Variants in CCDC178 observed in about 807,000 individuals in gnomAD.
CCDC178 encodes coiled-coil domain containing 178, also known as coiled-coil domain-containing protein 178.
In CCDC178, 126 loss-of-function variants were observed where a neutral mutation model predicts 117.4. The observed-to-expected ratio is 1.07, with a 90% CI of 0.93 to 1.24. CCDC178 has a LOEUF of 1.24. Among genes scored for constraint, CCDC178 ranks in the 50% most tolerant of loss-of-function variants. The probability of loss-of-function intolerance (pLI) is 0.00; values close to 1 mark genes in which losing one functional copy is unlikely to be tolerated. For missense variants in CCDC178, 1,030 were observed against 986.9 expected, an observed-to-expected ratio of 1.04 and a Z score of -0.59; for synonymous variants, 283 against 313.4, an observed-to-expected ratio of 0.90 and a Z score of 1.02.
At chr18:33,078,334 G>A (rs2057243286) in intron 21 of CCDC178, among the ~76,000 whole-genome samples, 2 of 152,124 alleles carry the variant, frequency 1.3e-5, no homozygotes, top group African/African-American at 4.8e-5. Flanking sequence ...CACACTGAAT[G>A]GGGAAAAGCT....
intron 18 of CCDC178, among the ~76,000 whole-genome samples, chr18:33,219,517 GA>G (rs1214128142): frequency 7.9e-5 from 12 of 152,194 alleles, no homozygotes; most frequent in Admixed American, 7.2e-4. Flanking sequence ...CAAAGACTTG[GA>G]ACCAATCCAA....
chr18:33,387,478 A>G (rs1211659731), intron 5 of CCDC178, among the ~76,000 whole-genome samples: 1 of 152,226 alleles, frequency 6.6e-6, no homozygotes, highest in Non-Finnish European at 1.5e-5. Context: ...AGGCTACAGT[A>G]ACAAAAACAG....
chr18:33,288,289 TCTTCCCTCCTCTCTC>T, intron 12 of CCDC178, among the ~76,000 whole-genome samples: 1 of 61,548 alleles, frequency 1.6e-5, no homozygotes, highest in African/African-American at 6.9e-5. Context: ...TCTCCCCTCC[TCTTCCCTCCTCTCTC>T]CTCCCCTCCT....
intron 8 of CCDC178, among the ~76,000 whole-genome samples, chr18:33,346,870 T>G (rs2062901702): frequency 6.6e-6 from 1 of 152,184 alleles, no homozygotes; most frequent in Non-Finnish European, 1.5e-5. Flanking sequence ...ACTTCTCTAC[T>G]TAGCTTTGCC....
At chr18:33,136,991 T>C (rs2058136489) in intron 20 of CCDC178, among the ~76,000 whole-genome samples, 1 of 152,176 alleles carries the variant, frequency 6.6e-6, no homozygotes, top group Non-Finnish European at 1.5e-5. Flanking sequence ...CCTGATCCCA[T>C]ATCAATGTAA....
intron 20 of CCDC178, among the ~76,000 whole-genome samples, chr18:33,174,033 T>C (rs145938579): frequency 1.3e-5 from 2 of 151,724 alleles, no homozygotes; most frequent in Non-Finnish European, 1.5e-5. Flanking sequence ...AGAAAAGAGA[T>C]GTAATTGGCT....
At chr18:33,342,015 A>G (rs1384218549) in intron 9 of CCDC178, among the ~76,000 whole-genome samples, 1 of 152,234 alleles carries the variant, frequency 6.6e-6, no homozygotes, top group African/African-American at 2.4e-5. Context: ...AGGTTTAGAG[A>G]TCAAAATTCA....
chr18:33,051,599 C>T (rs1183516046), intron 21 of CCDC178, among the ~76,000 whole-genome samples: 1 of 152,174 alleles, frequency 6.6e-6, no homozygotes, highest in Non-Finnish European at 1.5e-5. Flanking sequence ...TTTGGATACA[C>T]TTGACTAATG....
At chr18:33,113,275 T>C (rs889288781) in intron 20 of CCDC178, among the ~76,000 whole-genome samples, 2 of 152,068 alleles carry the variant, frequency 1.3e-5, no homozygotes, top group Non-Finnish European at 2.9e-5. Context: ...AAATCAATAA[T>C]CCTTGATATG....
chr18:32,968,055 G>C (rs950695908), intron 22 of CCDC178, among the ~76,000 whole-genome samples: 1 of 151,576 alleles, frequency 6.6e-6, no homozygotes, highest in Non-Finnish European at 1.5e-5. Context: ...ATTGTTAACT[G>C]TAGTTACCCT....
intron 19 of CCDC178, among the ~76,000 whole-genome samples, chr18:33,214,546 A>G (rs1023047979): frequency 6.6e-6 from 1 of 152,020 alleles, no homozygotes; most frequent in African/African-American, 2.4e-5. Context: ...TATAATTTTA[A>G]TGTAAGTTAT....
chr18:33,293,324 AAC>A lies in CCDC178; in HGVS notation c.1023-14_1023-13del, dbSNP rs1182271665. 2.1e-6 allele frequency: 3 copies of A among 1,444,196 alleles called. No homozygotes were observed. The highest frequency in any genetic ancestry group is 2.0e-5 in the Admixed American group (1 of 51,234). 89.5% of individuals were successfully genotyped at this position (1,444,196 alleles called of 1,614,324 possible). A position where few individuals can be genotyped will look rare whatever the true frequency, so the allele number is the denominator to read the frequency against. On this transcript the variant is annotated splice_polypyrimidine_tract_variant and intron_variant, in intron 11 of 22. Coordinates refer to ENST00000383096, the MANE Select transcript of CCDC178 (RefSeq NM_001105528.4). ...GATATATCTCTCTCCTAGGGATAAA[AAC>A]ACAGTTTATTTTATTCACATTAAAA...
chr18:33,211,544 T>C (rs1025560493), intron 20 of CCDC178, among the ~76,000 whole-genome samples: 1 of 151,662 alleles, frequency 6.6e-6, no homozygotes, highest in Non-Finnish European at 1.5e-5. Flanking sequence ...ATTCAAAGTA[T>C]ATTTATTCAG....
chr18:33,186,270 A>G (rs1236113596), intron 20 of CCDC178, among the ~76,000 whole-genome samples: 2 of 152,102 alleles, frequency 1.3e-5, no homozygotes, highest in South Asian at 4.1e-4. Flanking sequence ...GCTGCCTTAC[A>G]TGAGTAAAAG....
chr18:33,162,245 A>G (rs1015214534), intron 20 of CCDC178, among the ~76,000 whole-genome samples: 1 of 152,146 alleles, frequency 6.6e-6, no homozygotes, highest in African/African-American at 2.4e-5. Flanking sequence ...TGACGAGTTA[A>G]TGGGTGCAGC....
Position 33,099,011 on chromosome 18 carries a change from C to T in CCDC178, c.2239-6101G>A, listed in dbSNP as rs139466516. Among the ~76,000 whole-genome samples the T allele has an allele frequency of 4.6e-5, 7 of 152,020 alleles. No individual in the cohort carries two copies. The East Asian group carries it at 1.2e-3, about 25-fold the overall frequency. On this transcript the variant is annotated intron_variant, in intron 20 of 22. Coordinates refer to ENST00000383096, the MANE Select transcript of CCDC178 (RefSeq NM_001105528.4). ...GATTTGAATCAGAAGATCGAAGCTG[C>T]CCCACCACAAACGTTAGTATATATC... is the stretch of plus-strand genomic sequence containing the variant.
chr18:33,276,413 T>C (rs549801176), intron 12 of CCDC178, among the ~76,000 whole-genome samples: 3 of 152,002 alleles, frequency 2.0e-5, no homozygotes, highest in African/African-American at 4.8e-5. Flanking sequence ...GAGTTGGCAG[T>C]TGGATTCAGA....
intron 5 of CCDC178, among the ~76,000 whole-genome samples, chr18:33,387,676 G>A (rs1316490503): frequency 9.2e-5 from 14 of 151,984 alleles, no homozygotes; most frequent in Admixed American, 7.2e-4. Context: ...AACTGAGACT[G>A]GATCCCTTCT....
intron 21 of CCDC178, among the ~76,000 whole-genome samples, chr18:33,040,755 G>A (rs528404471): frequency 2.9e-4 from 44 of 151,930 alleles, no homozygotes; most frequent in Non-Finnish European, 4.6e-4. Context: ...CAGCCAAATT[G>A]TTCCCCTAGT....
Sources: allele counts gnomAD v4.1 joint callset (sites outside exome capture counted in the v4.1 genomes callset), GRCh38; gene constraint gnomAD v4.1.1; transcripts MANE v1.5; gene names NCBI Gene and HGNC (gene_info 2026-07-23, HGNC 2026-07-21).